Variants in CDH18 observed in about 807,000 individuals in gnomAD.
CDH18 encodes cadherin-18.
Under a neutral mutation model 67.9 loss-of-function variants are expected in CDH18, and 31 were observed. The observed-to-expected ratio is 0.46, with a 90% CI of 0.34 to 0.62. The LOEUF is 0.62. Among genes scored for constraint, CDH18 ranks in the 20% least tolerant of loss-of-function variants. CDH18 has a pLI of 0.01. For synonymous variants in CDH18, 362 were observed against 347.2 expected, an observed-to-expected ratio of 1.04 and a Z score of -0.48; for missense variants, 890 against 975.5, an observed-to-expected ratio of 0.91 and a Z score of 1.17.
intron 5 of CDH18, among the ~76,000 whole-genome samples, chr5:19,642,834 C>G (rs1754209002): frequency 6.6e-6 from 1 of 151,890 alleles, no homozygotes; most frequent in African/African-American, 2.4e-5. Context: ...ATAGTTCCAT[C>G]AAATTAACAA....
intron 1 of CDH18, among the ~76,000 whole-genome samples, chr5:20,287,292 C>T (rs1436856538): frequency 6.6e-6 from 1 of 151,634 alleles, no homozygotes; most frequent in South Asian, 2.1e-4. Context: ...ATCTGTCATC[C>T]TTAGGTCAGA....
At chr5:19,580,149 G>A (rs924968428) in intron 7 of CDH18, among the ~76,000 whole-genome samples, 36 of 151,890 alleles carry the variant, frequency 2.4e-4, no homozygotes, top group African/African-American at 8.7e-4. Flanking sequence ...AATGTTCAAA[G>A]TTTTTTGGTT....
At chr5:20,222,853 T>C (rs1414750407) in intron 2 of CDH18, among the ~76,000 whole-genome samples, 4 of 152,152 alleles carry the variant, frequency 2.6e-5, no homozygotes, top group African/African-American at 7.2e-5. Flanking sequence ...TCATTCATTC[T>C]TGAGTTTACA....
At chr5:20,531,969 C>G (rs1339138719) in intron 1 of CDH18, among the ~76,000 whole-genome samples, 1 of 151,836 alleles carries the variant, frequency 6.6e-6, no homozygotes, top group Non-Finnish European at 1.5e-5. Context: ...GTGCAAATTA[C>G]AAAATTATCC....
intron 1 of CDH18, among the ~76,000 whole-genome samples, chr5:20,382,126 G>A (rs1743956913): frequency 6.6e-6 from 1 of 152,070 alleles, no homozygotes; most frequent in African/African-American, 2.4e-5. Context: ...AATTACTAGA[G>A]GTTAACCAAG....
At chr5:19,911,332 A>G (rs1791122084) in intron 2 of CDH18, among the ~76,000 whole-genome samples, 1 of 152,174 alleles carries the variant, frequency 6.6e-6, no homozygotes, top group Non-Finnish European at 1.5e-5. Context: ...TAAATAAGAT[A>G]GAATAATGGT....
intron 8 of CDH18, among the ~76,000 whole-genome samples, chr5:19,566,096 C>A (rs999209295): frequency 3.9e-5 from 6 of 151,974 alleles, no homozygotes; most frequent in Non-Finnish European, 7.4e-5. Context: ...AGATGACATA[C>A]AAATAGCAAA....
intron 3 of CDH18, among the ~76,000 whole-genome samples, chr5:19,807,608 C>A (rs1290080954): frequency 6.6e-6 from 1 of 152,140 alleles, no homozygotes; most frequent in African/African-American, 2.4e-5. Flanking sequence ...AGTCTTTGAG[C>A]CTTCACTGCA....
chr5:19,934,526 G>T (rs1351711435), intron 2 of CDH18, among the ~76,000 whole-genome samples: 1 of 151,404 alleles, frequency 6.6e-6, no homozygotes, highest in Non-Finnish European at 1.5e-5. Context: ...TGCTAACAAT[G>T]AAGCCTAAAG....
chr5:20,543,062 TA>T (rs1757141982), intron 1 of CDH18, among the ~76,000 whole-genome samples: 1 of 152,050 alleles, frequency 6.6e-6, no homozygotes, highest in Admixed American at 6.6e-5. Context: ...GCAAACTTTT[TA>T]AAATTGTTTT....
rs560759152 is a variant in CDH18, at chr5:19,930,246, A to T, written c.-257+50814T>A. Among the ~76,000 whole-genome samples the T allele has an allele frequency of 2.0e-5, 3 of 152,200 alleles. No homozygotes were observed. The East Asian group carries it at 5.8e-4, about 29-fold the overall frequency. On this transcript the variant is annotated intron_variant, in intron 2 of 12. Transcript: ENST00000382275. ...GTAACCCTGGGATTCCAACTCAGGG[A>T]ATCTACTGCCAAAGTATGCATTCTT... is the stretch of plus-strand genomic sequence containing the variant.
At chr5:19,705,067 T>A (rs1050798244) in intron 5 of CDH18, among the ~76,000 whole-genome samples, 10 of 152,220 alleles carry the variant, frequency 6.6e-5, no homozygotes, top group Non-Finnish European at 8.8e-5. Flanking sequence ...CAAGTCATGT[T>A]AAACAGTCTA....
At chr5:20,475,595 T>C (rs1252315951) in intron 1 of CDH18, among the ~76,000 whole-genome samples, 3 of 152,208 alleles carry the variant, frequency 2.0e-5, no homozygotes, top group African/African-American at 7.2e-5. Context: ...ATATTTGTGG[T>C]AATCATAAGT....
At chr5:20,450,341 C>T (rs918547219) in intron 1 of CDH18, among the ~76,000 whole-genome samples, 1 of 152,120 alleles carries the variant, frequency 6.6e-6, no homozygotes, top group Non-Finnish European at 1.5e-5. Flanking sequence ...AAGAGAAACT[C>T]TGTCTCAATA....
chr5:20,494,142 GCTA>G (rs893245380), intron 1 of CDH18, among the ~76,000 whole-genome samples: 6 of 152,068 alleles, frequency 3.9e-5, no homozygotes, highest in African/African-American at 1.4e-4. Flanking sequence ...AACTAGTTAT[GCTA>G]CTATTTTACT....
At chr5:20,522,346 G>A (rs188121856) in intron 1 of CDH18, among the ~76,000 whole-genome samples, 2 of 152,208 alleles carry the variant, frequency 1.3e-5, no homozygotes, top group Admixed American at 1.3e-4. Flanking sequence ...AAATAACCAT[G>A]TCTCCTACTC....
At chr5:20,456,561 A>C (rs1030754943) in intron 1 of CDH18, among the ~76,000 whole-genome samples, 1 of 152,152 alleles carries the variant, frequency 6.6e-6, no homozygotes, top group Non-Finnish European at 1.5e-5. Flanking sequence ...GAGAAATAAA[A>C]TTAGTACAAA....
chr5:20,380,887 C>A (rs73058721), intron 1 of CDH18, among the ~76,000 whole-genome samples: 8 of 152,074 alleles, frequency 5.3e-5, no homozygotes, highest in Admixed American at 3.9e-4. Flanking sequence ...ATTAATATGA[C>A]CTGCTATGGG....
At chr5:19,901,577 A>T (rs1789941808) in intron 2 of CDH18, among the ~76,000 whole-genome samples, 1 of 152,102 alleles carries the variant, frequency 6.6e-6, no homozygotes, top group Admixed American at 6.6e-5. Context: ...TTCAGGTATG[A>T]TGTGATGTAT....
Sources: gnomAD v4.1 joint callset for allele counts (sites outside exome capture counted in the v4.1 genomes callset) on GRCh38, gnomAD v4.1.1 for gene constraint, MANE v1.5 for transcripts, NCBI Gene and HGNC (gene_info 2026-07-23, HGNC 2026-07-21) for gene names.